ASB5: variants seen among roughly 807,000 people sequenced by gnomAD.
ASB5 encodes the protein ankyrin repeat and SOCS box containing 5, also known as ankyrin repeat and SOCS box protein 5.
ASB5 carries 45 observed loss-of-function variants against 42.1 expected under a neutral mutation model. The observed-to-expected ratio is 1.07, with a 90% CI of 0.84 to 1.37. The LOEUF (loss-of-function observed/expected upper bound fraction) is 1.37, where lower values mean the gene tolerates loss of function less well. Ranked by LOEUF, ASB5 falls within the 40% of genes most tolerant of loss-of-function variation. The probability of loss-of-function intolerance (pLI) is 0.00; values close to 1 mark genes in which losing one functional copy is unlikely to be tolerated. For missense variants in ASB5, 402 were observed against 399.8 expected (o/e 1.01, Z -0.05); for synonymous variants, 147 against 150.6 (o/e 0.98, Z 0.18).
At chr4:176,218,058 T>G (rs1297087327) in intron 5 of ASB5, among the ~76,000 whole-genome samples, 1 of 150,072 alleles carries the variant, frequency 6.7e-6, no homozygotes, top group Non-Finnish European at 1.5e-5. Context: ...TTGTTGGTTA[T>G]GTCAATTTTA....
chr4:176,248,482 C>T (rs1039495755), intron 1 of ASB5, among the ~76,000 whole-genome samples: 1 of 152,106 alleles, frequency 6.6e-6, no homozygotes, highest in Non-Finnish European at 1.5e-5. Context: ...GCTGGGGTTT[C>T]ACCACAGATA....
intron 1 of ASB5, chr4:176,237,420 T>C (rs1753713182): frequency 3.0e-6 from 3 of 985,758 alleles, no homozygotes; most frequent in East Asian, 2.3e-4. Context: ...GCGGACATAG[T>C]TTGGTTGACG....
rs565307113 is a variant in ASB5, at chr4:176,230,161, C to G, written c.197-4820G>C. ...GAAATGAGAATGTTAAGTGCCTGCTCTCTAAATGCACAATAAATAATAACT... is the reference window on the plus strand; with the variant it reads ...GAAATGAGAATGTTAAGTGCCTGCTGTCTAAATGCACAATAAATAATAACT... On this transcript the variant is annotated intron_variant, in intron 1 of 6. Transcript: ENST00000296525. Among the ~76,000 whole-genome samples the G allele has an allele frequency of 1.3e-3, 195 of 152,276 alleles. 2 individuals are homozygous for G. Among genetic ancestry groups the G allele is most frequent in the African/African-American group, 4.5e-3 (187 of 41,560 alleles).
chr4:176,244,992 C>A (rs1303179917), intron 1 of ASB5, among the ~76,000 whole-genome samples: 1 of 152,032 alleles, frequency 6.6e-6, no homozygotes, highest in Non-Finnish European at 1.5e-5. Flanking sequence ...AAAAGATGAC[C>A]CAGGCCTCAC....
intron 2 of ASB5, among the ~76,000 whole-genome samples, chr4:176,222,701 A>G (rs142302351): frequency 7.8e-4 from 119 of 152,178 alleles, no homozygotes; most frequent in African/African-American, 2.5e-3. Flanking sequence ...TGCTTTCTTA[A>G]TATTTTTTTA....
chr4:176,246,875 G>A (rs1753923646), intron 1 of ASB5, among the ~76,000 whole-genome samples: 1 of 151,894 alleles, frequency 6.6e-6, no homozygotes, highest in African/African-American at 2.4e-5. Flanking sequence ...AAATAAAAAT[G>A]GTACAACATT....
intron 5 of ASB5, among the ~76,000 whole-genome samples, chr4:176,217,372 T>C (rs571294219): frequency 6.6e-6 from 1 of 152,262 alleles, no homozygotes; most frequent in Non-Finnish European, 1.5e-5. Flanking sequence ...ACAATTAAGT[T>C]CACTCATTTT....
intron 5 of ASB5, among the ~76,000 whole-genome samples, chr4:176,220,071 T>G (rs867747256): frequency 2.6e-5 from 4 of 152,302 alleles, no homozygotes; most frequent in Admixed American, 6.5e-5. Context: ...TTTAAGAAAG[T>G]TTATGAATTT....
chr4:176,249,788 G>C (rs965824154), intron 1 of ASB5, among the ~76,000 whole-genome samples: 3 of 151,974 alleles, frequency 2.0e-5, no homozygotes, highest in African/African-American at 4.8e-5. Context: ...TGAGTTGGCC[G>C]GGCGCGGTGG....
At chr4:176,232,127 A>ATAT (rs1561257128) in intron 1 of ASB5, among the ~76,000 whole-genome samples, 2 of 124,970 alleles carry the variant, frequency 1.6e-5, no homozygotes, top group African/African-American at 6.4e-5. Flanking sequence ...ATATATATAT[A>ATAT]CTTTTTTTTT....
intron 1 of ASB5, among the ~76,000 whole-genome samples, chr4:176,238,587 C>A (rs537559850): frequency 8.5e-5 from 13 of 152,238 alleles, no homozygotes; most frequent in African/African-American, 3.1e-4. Flanking sequence ...CTGGTGATCA[C>A]GTTACAGAGT....
At chr4:176,241,032 C>T (rs1753800235) in intron 1 of ASB5, among the ~76,000 whole-genome samples, 1 of 152,158 alleles carries the variant, frequency 6.6e-6, no homozygotes, top group South Asian at 2.1e-4. Context: ...AACTCACCCA[C>T]TTTCCCACAA....
chr4:176,270,907 A>C (rs1310860004), upstream of ASB5, among the ~76,000 whole-genome samples: 2 of 152,142 alleles, frequency 1.3e-5, no homozygotes, highest in Admixed American at 1.3e-4. Flanking sequence ...ATCAGAAATA[A>C]AACCTGCCTT....
Position 176,237,492 on chromosome 4 carries a change from C to T in ASB5, c.197-12151G>A, listed in dbSNP as rs549693744. 54 of 985,768 alleles carry T rather than the reference C, an allele frequency of 5.5e-5. No homozygotes were observed. The South Asian group carries it at 6.1e-4, about 11-fold the overall frequency. The allele number at this position is 985,768 out of a possible 1,614,324, so 61.1% of individuals were successfully genotyped here. A position where few individuals can be genotyped will look rare whatever the true frequency, so the allele number is the denominator to read the frequency against. ...ATGCTCTAGCAAGAAGAAATATCAG[C>T]GTCTGGATTTCTAACTATTTTTTCC... is the stretch of plus-strand genomic sequence containing the variant. On this transcript the variant is annotated intron_variant, in intron 1 of 6. Transcript: ENST00000296525.
chr4:176,232,109 TTA>T (rs993670414), intron 1 of ASB5, among the ~76,000 whole-genome samples: 22 of 140,738 alleles, frequency 1.6e-4, no homozygotes, highest in African/African-American at 4.2e-4. Flanking sequence ...CTTACCTATT[TTA>T]TATATATATA....
Position 176,215,597 on chromosome 4 carries a change from G to A in ASB5, c.*3C>T. 2 of 1,610,640 alleles carry A rather than the reference G, an allele frequency of 1.2e-6. No homozygotes were observed. Among genetic ancestry groups the A allele is most frequent in the South Asian group, 1.1e-5 (1 of 90,570 alleles). On this transcript the variant is annotated 3_prime_UTR_variant, in exon 7 of 7. Coordinates refer to ENST00000296525, the MANE Select transcript of ASB5 (RefSeq NM_080874.4). The stretch of plus-strand genomic sequence containing the variant: ...TCAAGGTATTTAGAATTACTTTACT[G>A]TTTTATCGATACTGTAAGAAATTCT...
intron 5 of ASB5, among the ~76,000 whole-genome samples, chr4:176,219,362 TATATATATTTGTATGATATATAA>T: frequency 1.1e-5 from 1 of 94,986 alleles, no homozygotes; most frequent in Non-Finnish European, 2.0e-5. Flanking sequence ...GATATATAAA[TATATATATTTGTATGATATATAA>T]ATATATATAT....
rs1753346596 is a variant in ASB5, at chr4:176,225,344, G to A, written c.197-3C>T. The A allele has an allele frequency of 1.9e-6, 3 of 1,609,916 alleles. No homozygotes were observed. The highest frequency in any genetic ancestry group is 2.2e-5 in the East Asian group (1 of 44,864). ...TGGTGATCGATCTGCCCAGGAACCTGTCAAAAAAGAAAAAAAGAAAGAAAA... is the reference window on the plus strand; with the variant it reads ...TGGTGATCGATCTGCCCAGGAACCTATCAAAAAAGAAAAAAAGAAAGAAAA... On this transcript the variant is annotated splice_polypyrimidine_tract_variant and splice_region_variant and intron_variant, in intron 1 of 6. Coordinates refer to ENST00000296525, the MANE Select transcript of ASB5 (RefSeq NM_080874.4).
chr4:176,214,194 T>C lies in ASB5; in HGVS notation c.*1406A>G, dbSNP rs1342074106. The C allele has an allele frequency of 3.9e-5, 6 of 152,136 alleles. No individual in the cohort carries two copies. Among genetic ancestry groups the C allele is most frequent in the Admixed American group, 6.6e-5 (1 of 15,262 alleles). The allele number at this position is 152,136 out of a possible 1,614,324, so 9.4% of individuals were successfully genotyped here. On this transcript the variant is annotated 3_prime_UTR_variant, in exon 7 of 7. Coordinates refer to ENST00000296525, the MANE Select transcript of ASB5 (RefSeq NM_080874.4). ...CAAGCTTAGTGATCTGGGGGTCACA[T>C]ACAATCATAATTTATTTTCCCATAG...
Sources: allele counts gnomAD v4.1 joint callset (sites outside exome capture counted in the v4.1 genomes callset), GRCh38; gene constraint gnomAD v4.1.1; transcripts MANE v1.5; gene names NCBI Gene and HGNC (gene_info 2026-07-23, HGNC 2026-07-21).